GSE1: variants seen among roughly 807,000 people sequenced by gnomAD.
The protein encoded by GSE1 is genetic suppressor element 1.
A neutral mutation model predicts 112.6 loss-of-function variants in GSE1; 32 were observed. That is an observed-to-expected ratio of 0.28 (90% CI 0.21 to 0.38). The LOEUF (loss-of-function observed/expected upper bound fraction) is 0.38. Ranked by LOEUF, GSE1 falls within the 10% of genes least tolerant of loss-of-function variation. The pLI is 1.00. For missense variants in GSE1, 2,348 were observed against 1,699.2 expected (o/e 1.38, Z -6.71); for synonymous variants, 1,115 against 735.6 (o/e 1.52, Z -8.35).
intron 15 of GSE1, among the ~76,000 whole-genome samples, chr16:85,671,309 G>A (rs1022953059): frequency 4.0e-5 from 6 of 151,260 alleles, no homozygotes; most frequent in Admixed American, 6.6e-5. Context: ...GCGTAGTGGC[G>A]GGCGCCTGTA....
chr16:85,361,645 C>T (rs1458596896), intron 2 of GSE1, among the ~76,000 whole-genome samples: 2 of 152,216 alleles, frequency 1.3e-5, no homozygotes, highest in African/African-American at 2.4e-5. Context: ...TTTCTGACCC[C>T]CACTTCCCTG....
At chr16:85,658,243 CG>C (rs1386331458) in intron 8 of GSE1, among the ~76,000 whole-genome samples, 1 of 152,130 alleles carries the variant, frequency 6.6e-6, no homozygotes, top group East Asian at 1.9e-4. Context: ...CAGGCCCCCA[CG>C]TCATATACCC....
intron 1 of GSE1, among the ~76,000 whole-genome samples, chr16:85,246,117 A>G (rs1905637174): frequency 6.6e-6 from 1 of 150,638 alleles, no homozygotes; most frequent in Non-Finnish European, 1.5e-5. Flanking sequence ...CACACACACT[A>G]GCACCCGTGT....
At chr16:85,631,210 G>C (rs777035837) in intron 1 of GSE1, among the ~76,000 whole-genome samples, 1 of 152,214 alleles carries the variant, frequency 6.6e-6, no homozygotes, top group African/African-American at 2.4e-5. Context: ...CAGCCTACTC[G>C]GTGTGGTGCT....
intron 1 of GSE1, among the ~76,000 whole-genome samples, chr16:85,626,798 C>T (rs372983358): frequency 3.0e-4 from 46 of 152,060 alleles, no homozygotes; most frequent in Non-Finnish European, 5.3e-4. Flanking sequence ...GCGGCTGGCA[C>T]GCTGATTAAT....
At chr16:85,182,810 C>T (rs2074617826) in intron 1 of GSE1, among the ~76,000 whole-genome samples, 1 of 152,040 alleles carries the variant, frequency 6.6e-6, no homozygotes, top group Non-Finnish European at 1.5e-5. Context: ...GGGAGTGAAG[C>T]CCCTCCTGCC....
chr16:85,402,788 T>G (rs1442303084), intron 2 of GSE1, among the ~76,000 whole-genome samples: 1 of 151,752 alleles, frequency 6.6e-6, no homozygotes. Flanking sequence ...CGGGTGTGGC[T>G]CCTGTAGTCC....
At chr16:85,464,551 A>C (rs1163573865) in intron 2 of GSE1, among the ~76,000 whole-genome samples, 2 of 152,210 alleles carry the variant, frequency 1.3e-5, no homozygotes, top group Non-Finnish European at 2.9e-5. Flanking sequence ...TGGCCTGGTC[A>C]TGCGGTGTCT....
intron 1 of GSE1, among the ~76,000 whole-genome samples, chr16:85,260,709 C>T (rs980267188): frequency 4.6e-5 from 7 of 152,378 alleles, no homozygotes; most frequent in East Asian, 1.9e-4. Flanking sequence ...TTTCTGGCCC[C>T]CCGTGCTCCC....
chr16:85,195,371 TG>T (rs1166057768), intron 1 of GSE1, among the ~76,000 whole-genome samples: 1 of 151,764 alleles, frequency 6.6e-6, no homozygotes, highest in Non-Finnish European at 1.5e-5. Context: ...ACGTTGGAGG[TG>T]GGGGCCGTAA....
chr16:85,279,184 G>C (rs917758111), intron 1 of GSE1: 2 of 152,308 alleles, frequency 1.3e-5, no homozygotes, highest in Non-Finnish European at 2.9e-5. Context: ...TAAAATAGTG[G>C]GGAGGGGGGA....
intron 1 of GSE1, among the ~76,000 whole-genome samples, chr16:85,256,598 G>A (rs543444450): frequency 2.6e-5 from 4 of 152,338 alleles, no homozygotes; most frequent in Admixed American, 6.5e-5. Context: ...CTTGGCTTAC[G>A]CTGTATTTCC....
At chr16:85,290,532 G>C (rs574997646) in intron 1 of GSE1, among the ~76,000 whole-genome samples, 1 of 152,150 alleles carries the variant, frequency 6.6e-6, no homozygotes, top group Admixed American at 6.5e-5. Context: ...CAGCTGCCCT[G>C]TGCAGTTGTG....
chr16:85,325,795 C>T (rs1249903698), intron 1 of GSE1, among the ~76,000 whole-genome samples: 6 of 126,622 alleles, frequency 4.7e-5, no homozygotes, highest in East Asian at 2.4e-4. Flanking sequence ...CTCCCTCTGT[C>T]GCCCAGGCTG....
At chr16:85,246,498 A>ACTCCCCCCCCCCCCCCCC (rs1567636430) in intron 1 of GSE1, among the ~76,000 whole-genome samples, 1 of 31,520 alleles carries the variant, frequency 3.2e-5, no homozygotes, top group Non-Finnish European at 6.6e-5. Flanking sequence ...CACACTCTAC[A>ACTCCCCCCCCCCCCCCCC]CACCCCCCCC....
rs190732640 is a variant in GSE1 at position 85,403,535 on chromosome 16, A to G, written c.2464+45892A>G. Among the ~76,000 whole-genome samples the G allele has an allele frequency of 2.0e-5, 3 of 152,230 alleles. No homozygotes were observed. The East Asian group carries it at 5.8e-4, about 29-fold the overall frequency. On this transcript the variant is annotated intron_variant, in intron 2 of 2. Transcript: ENST00000637419. ...CCGGGCACAGTGGCTCACACCTGAAATCCCAGCACTTTGGGAGGCTGAGGT... is the reference window on the plus strand; with the variant it reads ...CCGGGCACAGTGGCTCACACCTGAAGTCCCAGCACTTTGGGAGGCTGAGGT...
intron 1 of GSE1, among the ~76,000 whole-genome samples, chr16:85,279,892 C>G (rs749809023): frequency 6.6e-6 from 1 of 152,156 alleles, no homozygotes; most frequent in Non-Finnish European, 1.5e-5. Context: ...GAGCAAACTC[C>G]GGCGGCGTCA....
chr16:85,369,986 C>T (rs900214932), intron 2 of GSE1, among the ~76,000 whole-genome samples: 4 of 152,272 alleles, frequency 2.6e-5, no homozygotes, highest in Non-Finnish European at 4.4e-5. Context: ...GGGCTGATGA[C>T]GGAGCCCCCT....
At chr16:85,262,003 G>C (rs984515044) in intron 1 of GSE1, among the ~76,000 whole-genome samples, 1 of 152,152 alleles carries the variant, frequency 6.6e-6, no homozygotes, top group Non-Finnish European at 1.5e-5. Flanking sequence ...TGGGCAGACT[G>C]AGGCCGAGCA....
Sources: gnomAD v4.1 joint callset for allele counts (sites outside exome capture counted in the v4.1 genomes callset) on GRCh38, gnomAD v4.1.1 for gene constraint, MANE v1.5 for transcripts, NCBI Gene and HGNC (gene_info 2026-07-23, HGNC 2026-07-21) for gene names.